The following ANO7 variants were observed in gnomAD, a reference collection of about 807,000 sequenced individuals.
ANO7 encodes the protein anoctamin 7.
Under a neutral mutation model 115.8 loss-of-function variants are expected in ANO7, and 114 were observed. The observed-to-expected ratio is 0.98, with a 90% CI of 0.85 to 1.15. The LOEUF is 1.15. Ranked by LOEUF, ANO7 falls within the 50% of genes most tolerant of loss-of-function variation. The probability of loss-of-function intolerance (pLI) is 0.00; values close to 1 mark genes in which losing one functional copy is unlikely to be tolerated. For synonymous variants in ANO7, 550 were observed against 498.2 expected (o/e 1.10, Z -1.38); for missense variants, 1,302 against 1,201.2 (o/e 1.08, Z -1.24).
downstream of ANO7, among the ~76,000 whole-genome samples, chr2:241,226,429 A>C (rs1377228236): frequency 2.1e-5 from 3 of 143,314 alleles, no homozygotes; most frequent in African/African-American, 7.7e-5. Flanking sequence ...CATGTTCGGC[A>C]TTTTTTTTTT....
At chr2:241,215,016 C>G (rs903240540) in intron 18 of ANO7, 114 bp downstream of exon 18, 11 of 999,864 alleles carry the variant, frequency 1.1e-5, no homozygotes, top group Non-Finnish European at 1.6e-5. Context: ...AGGGAAGGCA[C>G]CTTGCCTGGG....
chr2:241,226,740 A>G (rs2069186522), downstream of ANO7, among the ~76,000 whole-genome samples: 1 of 152,172 alleles, frequency 6.6e-6, no homozygotes, highest in Non-Finnish European at 1.5e-5. Context: ...TTTGGCTTTA[A>G]GAGGAACTGC....
intron 21 of ANO7, 70 bp downstream of exon 21, chr2:241,218,451 T>G (rs1416238711): frequency 5.1e-5 from 44 of 870,232 alleles, no homozygotes; most frequent in East Asian, 2.5e-4. Context: ...TCGGGTGGGG[T>G]GGGGGTGCGG....
rs1193574471 is a variant in ANO7, at chr2:241,224,592, G to A, written c.*439G>A. 1 of 186,920 alleles carries A rather than the reference G, an allele frequency of 5.3e-6. No homozygotes were observed. The highest frequency in any genetic ancestry group is 1.1e-5 in the Non-Finnish European group (1 of 88,950). 11.6% of individuals were successfully genotyped at this position (186,920 alleles called of 1,614,324 possible). A position where few individuals can be genotyped will look rare whatever the true frequency, so the allele number is the denominator to read the frequency against. ...GGGCCGTTCTCCCTCGTGTCCTCTG[G>A]ACCCACCCGCCCCTTCCTGCCCTGT... On this transcript the variant is annotated 3_prime_UTR_variant, in exon 25 of 25. Coordinates refer to ENST00000674324, the MANE Select transcript of ANO7 (RefSeq NM_001370694.2).
downstream of ANO7, among the ~76,000 whole-genome samples, chr2:241,227,102 C>G (rs2069212330): frequency 6.6e-6 from 1 of 152,152 alleles, no homozygotes; most frequent in South Asian, 2.1e-4. Flanking sequence ...AGGCAGCCAC[C>G]CTCTTGCCAT....
At chr2:241,192,916 C>G (rs10933534) in intron 3 of ANO7, among the ~76,000 whole-genome samples, 124,087 of 151,604 alleles carry the variant, frequency 0.82, 50,849 homozygotes, top group East Asian at 0.9. Context: ...GGGCTGGGGA[C>G]GGGGAGGGGG....
chr2:241,199,454 C>T, intron 5 of ANO7, 31 bp downstream of exon 5: 1 of 1,607,578 alleles, frequency 6.2e-7, no homozygotes, highest in Non-Finnish European at 8.5e-7. Context: ...CAGGGTGGGC[C>T]TGGAGGTCCC....
At chr2:241,221,518 C>A (rs904191180) in intron 21 of ANO7, among the ~76,000 whole-genome samples, 4 of 151,660 alleles carry the variant, frequency 2.6e-5, no homozygotes, top group African/African-American at 9.7e-5. Context: ...TACAGGCGTG[C>A]GCTACCACAC....
Position 241,191,246 on chromosome 2 carries a change from G to C in ANO7, c.161G>C (p.Arg54Pro), listed in dbSNP as rs141913177. 1 of 1,613,786 alleles carries C rather than the reference G, an allele frequency of 6.2e-7. No homozygotes were observed. The highest frequency in any genetic ancestry group is 8.5e-7 in the Non-Finnish European group (1 of 1,179,914). ...AGAGCTGGGAGTCCTGCCAAGCCCC[G>C]GATCGGTGAGCCCCTCCCAGCACCT... ...ACRAGSPAKPRIADFVLVWEE... is the reference protein window; with the variant it reads ...ACRAGSPAKPPIADFVLVWEE... Residue 54 changes from arginine to proline, a missense_variant, in exon 3 of 25, where the codon CGG (arginine) becomes CCG (proline). Coordinates refer to ENST00000674324, the MANE Select transcript of ANO7 (RefSeq NM_001370694.2).
At chr2:241,208,553 A>C (rs1443898864) in intron 11 of ANO7, among the ~76,000 whole-genome samples, 1 of 152,172 alleles carries the variant, frequency 6.6e-6, no homozygotes, top group Non-Finnish European at 1.5e-5. Context: ...GCCCTTATTC[A>C]AATAAGATTA....
At position 241,224,876 on chromosome 2, in the gene ANO7, T is replaced by G. The variant is rs187855899; in HGVS notation, c.*723T>G. On this transcript the variant is annotated 3_prime_UTR_variant, in exon 25 of 25. Coordinates refer to ENST00000674324, the MANE Select transcript of ANO7 (RefSeq NM_001370694.2). ...CAACTTCCCTCCCTCTCCCAGCTCC[T>G]GGCCCCTGGCCCAGGGCCCCTCTTG... 22 of 152,356 alleles carry G rather than the reference T, an allele frequency of 1.4e-4. No homozygotes were observed. Among genetic ancestry groups the G allele is most frequent in the African/African-American group, 5.3e-4 (22 of 41,558 alleles). The allele number at this position is 152,356 out of a possible 1,614,324, so 9.4% of individuals were successfully genotyped here.
chr2:241,217,653 G>C (rs2068864752), intron 19 of ANO7, 33 bp from the exon 20 acceptor site: 1 of 1,549,924 alleles, frequency 6.5e-7, no homozygotes, highest in Non-Finnish European at 8.7e-7. Flanking sequence ...GCGGACGGTG[G>C]CGGAGAGCCC....
the ANO7 span, among the ~76,000 whole-genome samples, chr2:241,239,091 G>A: frequency 6.6e-6 from 1 of 152,168 alleles, no homozygotes; most frequent in Non-Finnish European, 1.5e-5. The surrounding 1 kb of genome is among the most constrained non-coding windows in gnomAD (Gnocchi z 4.6). Flanking sequence ...GGAGGCATCA[G>A]ACTTGATTAT....
intron 1 of ANO7, among the ~76,000 whole-genome samples, chr2:241,189,168 C>T (rs912091875): frequency 6.6e-6 from 1 of 152,054 alleles, no homozygotes; most frequent in Admixed American, 6.5e-5. Flanking sequence ...ACCCCACAGT[C>T]CGTAGTGAGG....
At chr2:241,192,066 G>A (rs2068219949) in intron 3 of ANO7, among the ~76,000 whole-genome samples, 1 of 152,250 alleles carries the variant, frequency 6.6e-6, no homozygotes. Context: ...GCCAGGCACA[G>A]TGGCTCATGC....
chr2:241,235,824 CCCT>C, the ANO7 span, among the ~76,000 whole-genome samples: 4 of 152,196 alleles, frequency 2.6e-5, no homozygotes, highest in African/African-American at 9.7e-5. Context: ...CCCAAGCCTA[CCCT>C]CCTGAATTAC....
At chr2:241,218,199 G>T in intron 20 of ANO7, 40 bp from the exon 21 acceptor site, 1 of 1,280,472 alleles carries the variant, frequency 7.8e-7, no homozygotes, top group Non-Finnish European at 9.9e-7. Flanking sequence ...GCGCAGGGGC[G>T]GAGCGGGGGC....
At position 241,218,304 on chromosome 2, in the gene ANO7, C is replaced by A. The variant is rs757168483; in HGVS notation, c.2244C>A (p.His748Gln). 1.3e-6 allele frequency: 2 copies of A among 1,533,546 alleles called. No homozygotes were observed. Among genetic ancestry groups the A allele is most frequent in the Non-Finnish European group, 1.7e-6 (2 of 1,147,882 alleles). The allele number at this position is 1,533,546 out of a possible 1,614,324, so 95.0% of individuals were successfully genotyped here. The change falls in exon 21 of 25, where the codon CAC becomes CAA. Residue 748 changes from histidine (H) to glutamine (Q), a missense_variant. By Grantham distance (24) the His-to-Gln change is conservative. Coordinates refer to ENST00000674324, the MANE Select transcript of ANO7 (RefSeq NM_001370694.2). ...CCTACTACCGGTGGACCCGCGCCCA[C>A]GACCTGCGCGGCTTCCTCAACTTCA... ...PRAYYRWTRA[H>Q]DLRGFLNFTL...
intron 1 of ANO7, among the ~76,000 whole-genome samples, chr2:241,189,510 G>C (rs2068138447): frequency 6.6e-6 from 1 of 152,144 alleles, no homozygotes; most frequent in Admixed American, 6.5e-5. Context: ...CCGGGGCGAA[G>C]GTGCGGGAGG....
Sources: gnomAD v4.1 joint callset for allele counts (sites outside exome capture counted in the v4.1 genomes callset) on GRCh38, gnomAD v4.1.1 for gene constraint, Gnocchi (gnomAD v3.1) non-coding constraint, MANE v1.5 for transcripts, NCBI Gene and HGNC (gene_info 2026-07-23, HGNC 2026-07-21) for gene names.